Variants in SHPRH observed in about 807,000 individuals in gnomAD.
The protein encoded by SHPRH is SNF2 histone linker PHD RING helicase.
In SHPRH, 106 loss-of-function variants were observed where a neutral mutation model predicts 202.5. The ratio of observed to expected loss-of-function variants is 0.52; its 90% CI spans 0.45 to 0.62. The LOEUF (loss-of-function observed/expected upper bound fraction) is 0.62, where lower values mean the gene tolerates loss of function less well. SHPRH is among the 20% of genes least tolerant of loss of function. The pLI, the probability that SHPRH is intolerant of heterozygous loss-of-function variation, is 0.00. For synonymous variants in SHPRH, 729 were observed against 686.0 expected, an observed-to-expected ratio of 1.06 and a Z score of -0.98; for missense variants, 1,710 against 2,020.0, an observed-to-expected ratio of 0.85 and a Z score of 2.94.
chr6:145,911,752 C>G (rs1025440126), intron 24 of SHPRH, among the ~76,000 whole-genome samples: 3 of 151,958 alleles, frequency 2.0e-5, no homozygotes, highest in African/African-American at 7.3e-5. Flanking sequence ...GCTGGATCAT[C>G]TAAGATGCTC....
At chr6:145,958,639 G>C (rs1171559686) in intron 1 of SHPRH, among the ~76,000 whole-genome samples, 1 of 152,088 alleles carries the variant, frequency 6.6e-6, no homozygotes, top group Non-Finnish European at 1.5e-5. Flanking sequence ...GTAGTTTCTA[G>C]CTACTATTGG....
At chr6:145,944,077 T>C (rs1191269313) in intron 8 of SHPRH, among the ~76,000 whole-genome samples, 1 of 152,162 alleles carries the variant, frequency 6.6e-6, no homozygotes, top group Non-Finnish European at 1.5e-5. Context: ...GTTATTTACC[T>C]ACTATGATTT....
At chr6:145,877,758 G>A (rs1419090742) in intron 2 of SHPRH, 2 of 152,060 alleles carry the variant, frequency 1.3e-5, no homozygotes, top group East Asian at 1.9e-4. Context: ...CAATAAAACT[G>A]GTTCTCCACA....
At chr6:145,937,545 G>C (rs1786247039) in intron 11 of SHPRH, among the ~76,000 whole-genome samples, 1 of 152,184 alleles carries the variant, frequency 6.6e-6, no homozygotes, top group South Asian at 2.1e-4. Context: ...CAACTAGAGT[G>C]ATCTTTTGAA....
intron 23 of SHPRH, among the ~76,000 whole-genome samples, chr6:145,916,814 G>A (rs1356394833): frequency 2.0e-5 from 3 of 151,602 alleles, no homozygotes; most frequent in East Asian, 3.9e-4. Flanking sequence ...ATGGAATCTC[G>A]CTCTGTCGCC....
chr6:145,899,666 C>T (rs1330202104), intron 25 of SHPRH, among the ~76,000 whole-genome samples: 2 of 152,000 alleles, frequency 1.3e-5, no homozygotes, highest in East Asian at 1.9e-4. Flanking sequence ...TAAATAGGAT[C>T]GCATTAAAGT....
chr6:145,931,195 G>C (rs936814273), intron 14 of SHPRH, among the ~76,000 whole-genome samples: 2 of 151,926 alleles, frequency 1.3e-5, no homozygotes, highest in African/African-American at 4.8e-5. Context: ...GACAATCCAG[G>C]CCTCTTAATT....
rs1780869872 is a variant in SHPRH, at chr6:145,884,929, TA to T, written c.*1761del. ...AATTTGATTTTACAAAATTGAAGCATATCAAATTGTTTTCTCTAAAACATAG... is the reference window on the plus strand; with the variant it reads ...AATTTGATTTTACAAAATTGAAGCATTCAAATTGTTTTCTCTAAAACATAG... On this transcript the variant is annotated 3_prime_UTR_variant, in exon 30 of 30. Coordinates refer to ENST00000275233, the MANE Select transcript of SHPRH (RefSeq NM_001042683.3). 6.6e-6 allele frequency: 1 copy of T among 152,150 alleles called. No individual in the cohort carries two copies. The highest frequency in any genetic ancestry group is 1.5e-5 in the Non-Finnish European group (1 of 68,002). 9.4% of individuals were successfully genotyped at this position (152,150 alleles called of 1,614,324 possible).
intron 23 of SHPRH, among the ~76,000 whole-genome samples, chr6:145,916,128 A>G (rs771887266): frequency 2.0e-5 from 3 of 152,052 alleles, no homozygotes; most frequent in East Asian, 3.9e-4. Context: ...CTGGTCTCCA[A>G]TGAGTTTTTG....
intron 2 of SHPRH, among the ~76,000 whole-genome samples, chr6:145,879,322 A>T (rs1211094537): frequency 1.3e-5 from 2 of 152,174 alleles, no homozygotes; most frequent in Non-Finnish European, 2.9e-5. Flanking sequence ...AAAGAAAATA[A>T]CACCCCCCAT....
chr6:145,858,728 T>G, the SHPRH span, among the ~76,000 whole-genome samples: 1 of 152,202 alleles, frequency 6.6e-6, no homozygotes, highest in African/African-American at 2.4e-5. Context: ...CATACCTCAG[T>G]AAAACTTAAA....
chr6:145,878,703 A>G (rs1278996982), intron 2 of SHPRH, among the ~76,000 whole-genome samples: 1 of 152,180 alleles, frequency 6.6e-6, no homozygotes, highest in Non-Finnish European at 1.5e-5. Flanking sequence ...TATGAGAAAA[A>G]CGCTAATACT....
intron 17 of SHPRH, 52 bp downstream of exon 17, chr6:145,924,687 A>G (rs1251329712): frequency 6.5e-7 from 1 of 1,550,362 alleles, no homozygotes; most frequent in Admixed American, 1.7e-5. Context: ...ACCAAAACTC[A>G]AAATGATATC....
downstream of SHPRH, among the ~76,000 whole-genome samples, chr6:145,863,873 T>C (rs1298284032): frequency 1.3e-5 from 2 of 152,236 alleles, no homozygotes; most frequent in African/African-American, 4.8e-5. Flanking sequence ...TGAGACTCGG[T>C]AGGATATAAG....
chr6:145,874,648 T>A (rs532987473), intron 2 of SHPRH, among the ~76,000 whole-genome samples: 1 of 152,200 alleles, frequency 6.6e-6, no homozygotes, highest in Admixed American at 6.5e-5. Flanking sequence ...GGTGGCAAAA[T>A]TGATTTTAAA....
intron 29 of SHPRH, among the ~76,000 whole-genome samples, chr6:145,887,619 TC>T (rs1781181007): frequency 1.4e-5 from 2 of 138,096 alleles, no homozygotes; most frequent in African/African-American, 5.4e-5. Context: ...CACTGCAACC[TC>T]CACCTCCGGG....
At chr6:145,867,120 T>G (rs1438576547) in intron 2 of SHPRH, among the ~76,000 whole-genome samples, 1 of 152,132 alleles carries the variant, frequency 6.6e-6, no homozygotes, top group Non-Finnish European at 1.5e-5. Flanking sequence ...AGGGGAAATA[T>G]TCTCTGCTAT....
chr6:145,929,484 G>GAT (rs1202271384), intron 14 of SHPRH, among the ~76,000 whole-genome samples: 1 of 151,922 alleles, frequency 6.6e-6, no homozygotes, highest in African/African-American at 2.4e-5. Flanking sequence ...TTCACTGTCT[G>GAT]ATCTTCACAT....
rs1256180997 is a variant in SHPRH, at chr6:145,943,259, C to A, written c.2122G>T (p.Val708Phe). The A allele has an allele frequency of 1.2e-6, 2 of 1,613,790 alleles. No individual in the cohort carries two copies. The highest frequency in any genetic ancestry group is 1.7e-6 in the Non-Finnish European group (2 of 1,179,910). Residue 708 changes from valine (V) to phenylalanine (F), a missense_variant, in exon 9 of 30, where the codon GTT becomes TTT. Physicochemically the swap from Val to Phe is conservative, Grantham distance 50. Transcript: ENST00000275233. ...IKPFYCPHCL[V>F]AMEPVSTRAT... is the part of the protein sequence containing the mutation. ...CTTGTTGACACTGGTTCCATTGCAA[C>A]AAGGCAGTGGGGGCAGTAAAAAGGC...
Sources: allele counts gnomAD v4.1 joint callset (sites outside exome capture counted in the v4.1 genomes callset), GRCh38; gene constraint gnomAD v4.1.1; transcripts MANE v1.5; gene names NCBI Gene and HGNC (gene_info 2026-07-23, HGNC 2026-07-21).